UCMA: variants seen among roughly 807,000 people sequenced by gnomAD.
UCMA encodes the protein upper zone of growth plate and cartilage matrix-associated protein.
In UCMA, 21 loss-of-function variants were observed where a neutral mutation model predicts 21.8. The ratio of observed to expected loss-of-function variants is 0.97; its 90% CI spans 0.68 to 1.39. The LOEUF is 1.39. Among genes scored for constraint, UCMA ranks in the 40% most tolerant of loss-of-function variants. The pLI is 0.00. For synonymous variants in UCMA, 76 were observed against 67.9 expected, an observed-to-expected ratio of 1.12 and a Z score of -0.58; for missense variants, 193 against 178.9, an observed-to-expected ratio of 1.08 and a Z score of -0.45.
intron 4 of UCMA, among the ~76,000 whole-genome samples, chr10:13,225,565 C>G (rs1834813678): frequency 6.6e-6 from 1 of 151,108 alleles, no homozygotes; most frequent in South Asian, 2.1e-4. Flanking sequence ...ATCCCAGCTA[C>G]TCAGGAAGCT....
chr10:13,230,680 A>T (rs1834886646), intron 3 of UCMA, among the ~76,000 whole-genome samples: 1 of 152,184 alleles, frequency 6.6e-6, no homozygotes, highest in African/African-American at 2.4e-5. Flanking sequence ...GAAGCTGGGG[A>T]AAGTCATGGT....
At position 13,233,565 on chromosome 10, in the gene UCMA, A is replaced by G. The variant is rs1342284232; in HGVS notation, c.193T>C (p.Ser65Pro). Reference sequence around the variant, plus strand: ...TTGACCTCATCTCTGGACTTGGGGGACCGCTTGCCGCGCCTCTTGAGGAAA... The same window carrying G: ...TTGACCTCATCTCTGGACTTGGGGGGCCGCTTGCCGCGCCTCTTGAGGAAA... ...SNFLKRRGKR[S>P]PKSRDEVNVE... Residue 65 changes from serine (S) to proline (P), a missense_variant, in exon 3 of 5, where the codon TCC becomes CCC. Ser to Pro is a moderately conservative substitution (Grantham distance 74). Coordinates refer to ENST00000378681, the MANE Select transcript of UCMA (RefSeq NM_145314.3). 6.2e-7 allele frequency: 1 copy of G among 1,613,864 alleles called. No individual in the cohort carries two copies. Among genetic ancestry groups the G allele is most frequent in the East Asian group, 2.2e-5 (1 of 44,862 alleles).
At chr10:13,222,296 C>T (rs932897600) in intron 4 of UCMA, 96 bp from the exon 5 acceptor site, 1 of 1,107,502 alleles carries the variant, frequency 9.0e-7, no homozygotes, top group South Asian at 1.4e-5. Context: ...CCTGTGGTGA[C>T]CTGCACTGAG....
rs766140965 is a variant in UCMA, at chr10:13,222,113, T to C, written c.407A>G (p.His136Arg). 2.5e-5 allele frequency: 41 copies of C among 1,613,996 alleles called. No homozygotes were observed. The South Asian group carries it at 4.2e-4, about 16-fold the overall frequency. Residue 136 changes from histidine (H) to arginine (R), a missense_variant, in exon 5 of 5, where the codon CAC becomes CGC. Coordinates refer to ENST00000378681, the MANE Select transcript of UCMA (RefSeq NM_145314.3). ...GGCTTCAGGATGGGATCAGGTGTGG[T>C]GGCGGTTGTAGAGATAGGATGGGTG... ...GLHPSYLYNR[H>R]HT is the part of the protein sequence containing the mutation.
intron 3 of UCMA, among the ~76,000 whole-genome samples, chr10:13,231,432 C>T (rs74123517): frequency 1.9e-3 from 294 of 152,326 alleles, no homozygotes; most frequent in African/African-American, 5.1e-3. Context: ...GGTTCCCACA[C>T]GCCACTGCTG....
At chr10:13,226,661 A>G (rs1834827137) in intron 4 of UCMA, among the ~76,000 whole-genome samples, 1 of 152,076 alleles carries the variant, frequency 6.6e-6, no homozygotes, top group Non-Finnish European at 1.5e-5. Context: ...TGGAAATTAC[A>G]AGACCTGTCT....
At position 13,227,647 on chromosome 10, in the gene UCMA, C is replaced by A. The variant is rs529881650; in HGVS notation, c.319+1964G>T. On this transcript the variant is annotated intron_variant, in intron 4 of 4. Coordinates refer to ENST00000378681, the MANE Select transcript of UCMA (RefSeq NM_145314.3). ...ACAGGAGAATCACTTGAACTCGGAG[C>A]GGGAGGTTGCGGTGAGCTGAGATCA... Among the ~76,000 whole-genome samples, 3 of 135,286 alleles carry A rather than the reference C, an allele frequency of 2.2e-5. No individual in the cohort carries two copies. The South Asian group carries it at 7.5e-4, about 34-fold the overall frequency. 88.8% of individuals were successfully genotyped at this position (135,286 alleles called of 152,430 possible). A position where few individuals can be genotyped will look rare whatever the true frequency, so the allele number is the denominator to read the frequency against.
chr10:13,229,806 T>C, intron 3 of UCMA, 97 bp from the exon 4 acceptor site: 1 of 963,912 alleles, frequency 1.0e-6, no homozygotes, highest in Non-Finnish European at 1.6e-6. Context: ...AGTCACCTGG[T>C]TGGGGGATGA....
intron 3 of UCMA, 126 bp from the exon 4 acceptor site, chr10:13,229,835 T>C: frequency 1.5e-6 from 1 of 679,420 alleles, no homozygotes. Flanking sequence ...TGGGGGATTG[T>C]GATTGGAGAC....
intron 4 of UCMA, among the ~76,000 whole-genome samples, chr10:13,227,195 G>T (rs997124668): frequency 6.6e-6 from 1 of 152,204 alleles, no homozygotes; most frequent in African/African-American, 2.4e-5. Flanking sequence ...AATGGGCATA[G>T]CCTGCAGCAC....
chr10:13,230,822 C>T (rs183177777), intron 3 of UCMA, among the ~76,000 whole-genome samples: 6 of 152,264 alleles, frequency 3.9e-5, no homozygotes, highest in African/African-American at 4.8e-5. Flanking sequence ...TTTGGGAGGC[C>T]GAGGCGGGCG....
intron 1 of UCMA, among the ~76,000 whole-genome samples, 164 bp from the exon 2 acceptor site, chr10:13,233,964 C>T (rs1834935681): frequency 6.6e-6 from 1 of 152,032 alleles, no homozygotes; most frequent in African/African-American, 2.4e-5. Context: ...CAGGAACCCA[C>T]CAAGCAAGCT....
In UCMA at chr10:13,233,735, C is replaced by T. The variant is rs1834931972; in HGVS notation, c.124G>A (p.Asp42Asn). ...CCCCGTGGGTGGCCCCTGCACTCAC[C>T]TTCACTCGCCTCTTCTCCCGCCATC... Reference protein sequence around the residue: ...MQMAGEEASEDAKQKIFMQES... With the variant: ...MQMAGEEASENAKQKIFMQES... Residue 42 changes from aspartate (D) to asparagine (N), a missense_variant and splice_region_variant, in exon 2 of 5, where the codon GAT (aspartate) becomes AAT (asparagine). Transcript: ENST00000378681. The T allele has an allele frequency of 1.2e-6, 2 of 1,614,064 alleles. No individual in the cohort carries two copies. The highest frequency in any genetic ancestry group is 1.7e-6 in the Non-Finnish European group (2 of 1,180,028).
intron 3 of UCMA, among the ~76,000 whole-genome samples, chr10:13,231,854 C>T (rs975190619): frequency 7.2e-5 from 11 of 152,186 alleles, no homozygotes; most frequent in Non-Finnish European, 1.3e-4. Flanking sequence ...TTCAAGTTGG[C>T]TGAAGTGTCT....
Position 13,222,192 on chromosome 10 carries a change from CT to C in UCMA, c.327del (p.Glu110ArgfsTer98). 6.2e-7 allele frequency: 1 copy of C among 1,613,770 alleles called. No homozygotes were observed. The highest frequency in any genetic ancestry group is 8.5e-7 in the Non-Finnish European group (1 of 1,179,916). The part of the protein sequence containing the change: ...NFVEEQNDEQ[E>X]ERSREAVEQW... ...TGCTCCACAGCCTCCCGGCTCCTCT[CT>C]TCCTGCTCTGGGGAGGAAAGACAAA... On this transcript the variant is annotated frameshift_variant, in exon 5 of 5. Transcript: ENST00000378681. LOFTEE classifies it high-confidence loss of function.
intron 4 of UCMA, among the ~76,000 whole-genome samples, chr10:13,226,493 T>A (rs1054045726): frequency 2.0e-5 from 3 of 152,012 alleles, no homozygotes; most frequent in African/African-American, 7.2e-5. Context: ...AATTGAAAAA[T>A]TTTTTTTCTT....
chr10:13,222,612 A>G (rs1390081506), intron 4 of UCMA, among the ~76,000 whole-genome samples: 1 of 152,198 alleles, frequency 6.6e-6, no homozygotes, highest in Admixed American at 6.5e-5. Context: ...CCTTGAAAAC[A>G]TGAAGGAAAT....
intron 3 of UCMA, 45 bp from the exon 4 acceptor site, chr10:13,229,754 C>A (rs1834875249): frequency 1.3e-6 from 2 of 1,509,822 alleles, no homozygotes; most frequent in African/African-American, 1.4e-5. Context: ...AGAATGAGGA[C>A]ACTTAGGGGC....
intron 3 of UCMA, among the ~76,000 whole-genome samples, chr10:13,233,223 A>G (rs1369689984): frequency 4.6e-5 from 7 of 152,214 alleles, no homozygotes; most frequent in Admixed American, 4.6e-4. Flanking sequence ...CTGAAATCCA[A>G]TGCATCTTAT....
Sources: gnomAD v4.1 joint callset for allele counts (sites outside exome capture counted in the v4.1 genomes callset) on GRCh38, gnomAD v4.1.1 for gene constraint, MANE v1.5 for transcripts, NCBI Gene and HGNC (gene_info 2026-07-23, HGNC 2026-07-21) for gene names.